STAT1: variants seen among roughly 807,000 people sequenced by gnomAD.
The protein encoded by STAT1 is signal transducer and activator of transcription 1-alpha/beta.
In STAT1, 24 loss-of-function variants were observed where a neutral mutation model predicts 111.7. That is an observed-to-expected ratio of 0.21 (90% CI 0.16 to 0.30). The LOEUF (loss-of-function observed/expected upper bound fraction) is 0.30. Among genes scored for constraint, STAT1 ranks in the 10% least tolerant of loss-of-function variants. The probability of loss-of-function intolerance (pLI) is 1.00; values close to 1 mark genes in which losing one functional copy is unlikely to be tolerated. For synonymous variants in STAT1, 332 were observed against 326.5 expected (o/e 1.02, Z -0.18); for missense variants, 351 against 911.9 (o/e 0.38, Z 7.92).
intron 10 of STAT1, among the ~76,000 whole-genome samples, chr2:190,992,436 G>A (rs1693440614): frequency 6.6e-6 from 1 of 152,010 alleles, no homozygotes; most frequent in African/African-American, 2.4e-5. Context: ...GTTTAAGACA[G>A]TTCTGAAAAT....
At chr2:190,991,944 C>A (rs1693373754) in intron 10 of STAT1, among the ~76,000 whole-genome samples, 2 of 152,246 alleles carry the variant, frequency 1.3e-5, no homozygotes, top group Admixed American at 6.5e-5. Flanking sequence ...ACTCAAAGTA[C>A]AAGTAATGTT....
chr2:191,011,365 G>A (rs1470207919), intron 2 of STAT1, among the ~76,000 whole-genome samples: 2 of 152,156 alleles, frequency 1.3e-5, no homozygotes, highest in African/African-American at 4.8e-5. Context: ...GAGCTGCAAC[G>A]CCTCTTATTA....
chr2:190,975,997 C>T lies in STAT1; in HGVS notation c.2060-110G>A, dbSNP rs1289023901. The T allele has an allele frequency of 3.1e-6, 3 of 982,666 alleles. No individual in the cohort carries two copies. Among genetic ancestry groups the T allele is most frequent in the East Asian group, 2.6e-5 (1 of 38,606 alleles). 60.9% of individuals were successfully genotyped at this position (982,666 alleles called of 1,614,324 possible). ...CTACTGTGTTTCTAGACAGCTTAGC[C>T]TCCTAAAACTTTAAGGAGCTATAAC... On this transcript the variant is annotated intron_variant, in intron 22 of 24. Coordinates refer to ENST00000361099, the MANE Select transcript of STAT1 (RefSeq NM_007315.4). The surrounding 1 kb of genome is among the most constrained non-coding windows in gnomAD (Gnocchi z 5.9).
rs1394308864 is a variant in STAT1, at chr2:190,987,917, C to T, written c.1098-849G>A. ...AAAGGGATAGTATGATAAAAGCTGA[C>T]TTGTCAAAGCTAAGAAGACCGTCAG... On this transcript the variant is annotated intron_variant, in intron 12 of 24. Coordinates refer to ENST00000361099, the MANE Select transcript of STAT1 (RefSeq NM_007315.4). This position sits in a 1 kb window ranked among gnomAD's most constrained non-coding sequence, Gnocchi z 4.0. Among the ~76,000 whole-genome samples, 1 of 152,158 alleles carries T rather than the reference C, an allele frequency of 6.6e-6. No individual in the cohort carries two copies. Among genetic ancestry groups the T allele is most frequent in the African/African-American group, 2.4e-5 (1 of 41,426 alleles).
chr2:191,013,562 A>G lies in STAT1; in HGVS notation c.-39T>C. ...GCCCCAACAAGGGCCTGGGGATTCA[A>G]CCAAAGGAGCAGCTACGCACAGCAC... On this transcript the variant is annotated 5_prime_UTR_variant, in exon 2 of 25. Transcript: ENST00000361099. 2.5e-6 allele frequency: 1 copy of G among 398,606 alleles called. No homozygotes were observed. Among genetic ancestry groups the G allele is most frequent in the East Asian group, 3.6e-5 (1 of 28,076 alleles). 24.7% of individuals were successfully genotyped at this position (398,606 alleles called of 1,614,324 possible).
In STAT1 at chr2:191,002,448, C is replaced by T. The variant is rs566423148; in HGVS notation, c.373-1285G>A. Among the ~76,000 whole-genome samples the T allele has an allele frequency of 2.4e-4, 36 of 152,274 alleles. 1 individual carries two copies. In the South Asian group the frequency reaches 7.5e-3, roughly 32 times the overall value. Reference sequence around the variant, plus strand: ...TTATAGTCTGTCTAGTAGGGCCAGTCCCATTTCATTGCTCTACTTGTTCAG... The same window carrying T: ...TTATAGTCTGTCTAGTAGGGCCAGTTCCATTTCATTGCTCTACTTGTTCAG... On this transcript the variant is annotated intron_variant, in intron 5 of 24. Transcript: ENST00000361099.
rs1220419590 is a variant in STAT1, at chr2:190,994,914, CAAAA to C, written c.944+143_944+146del. 184 of 97,256 alleles carry C rather than the reference CAAAA, an allele frequency of 1.9e-3. 1 individual carries two copies. The highest frequency in any genetic ancestry group is 8.6e-3 in the African/African-American group (171 of 19,870). 6.0% of individuals were successfully genotyped at this position (97,256 alleles called of 1,614,324 possible). A position where few individuals can be genotyped will look rare whatever the true frequency, so the allele number is the denominator to read the frequency against. The stretch of plus-strand genomic sequence containing the variant: ...CTGGGTGATAGGTGAGACTCTATCT[CAAAA>C]AAAAAAAAAATATATATATATATAT... On this transcript the variant is annotated intron_variant, in intron 10 of 24. Coordinates refer to ENST00000361099, the MANE Select transcript of STAT1 (RefSeq NM_007315.4).
Position 191,006,711 on chromosome 2 carries a change from A to C in STAT1, c.372+852T>G, listed in dbSNP as rs1694729565. On this transcript the variant is annotated intron_variant, in intron 5 of 24. Transcript: ENST00000361099. The surrounding 1 kb of genome is among the most constrained non-coding windows in gnomAD (Gnocchi z 4.6). ...TTGTCACCACCCCAGTGCTCAAGAA[A>C]GGAATACTAAATGCCATAGCAAATT... Among the ~76,000 whole-genome samples the C allele has an allele frequency of 6.6e-6, 1 of 152,208 alleles. No individual in the cohort carries two copies. Among genetic ancestry groups the C allele is most frequent in the Non-Finnish European group, 1.5e-5 (1 of 68,042 alleles).
rs752978951 is a variant in STAT1 at position 190,975,761 on chromosome 2, GC to G, written c.2135+50del. ...CATCTTCAACAGGCCCCAGCCAGGAGCAAGGCTGGCTTGAGGTTTGTAAACA... is the reference window on the plus strand; with the variant it reads ...CATCTTCAACAGGCCCCAGCCAGGAGAAGGCTGGCTTGAGGTTTGTAAACA... On this transcript the variant is annotated intron_variant, in intron 23 of 24. Coordinates refer to ENST00000361099, the MANE Select transcript of STAT1 (RefSeq NM_007315.4). This position sits in a 1 kb window ranked among gnomAD's most constrained non-coding sequence, Gnocchi z 5.9. 2.8e-5 allele frequency: 45 copies of G among 1,612,456 alleles called. 1 individual carries two copies. The South Asian group carries it at 4.8e-4, about 17-fold the overall frequency.
chr2:190,994,049 C>G (rs1409632419), intron 10 of STAT1, among the ~76,000 whole-genome samples: 1 of 152,140 alleles, frequency 6.6e-6, no homozygotes, highest in African/African-American at 2.4e-5. Context: ...AGGGAGATAA[C>G]ATCTGTTTGG....
In STAT1 at chr2:190,994,194, C is replaced by A. The variant is rs530706698; in HGVS notation, c.944+867G>T. On this transcript the variant is annotated intron_variant, in intron 10 of 24. Coordinates refer to ENST00000361099, the MANE Select transcript of STAT1 (RefSeq NM_007315.4). ...GGAGAGCCACAGAAAAGCAAGTATG[C>A]GGCATGGCCCCTATAGGAATCAGCA... Among the ~76,000 whole-genome samples the A allele has an allele frequency of 2.0e-5, 3 of 152,236 alleles. No individual in the cohort carries two copies. In the South Asian group the frequency reaches 6.2e-4, roughly 32 times the overall value.
chr2:190,981,401 G>C lies in STAT1; in HGVS notation c.1583-732C>G, dbSNP rs1381683156. ...AAATCAAAAACCAAGTGAGAGAAAC[G>C]AGAGGAAGAAGCCCGGGGTTATTAG... On this transcript the variant is annotated intron_variant, in intron 18 of 24. Coordinates refer to ENST00000361099, the MANE Select transcript of STAT1 (RefSeq NM_007315.4). This position sits in a 1 kb window ranked among gnomAD's most constrained non-coding sequence, Gnocchi z 4.1. Among the ~76,000 whole-genome samples, 1 of 152,228 alleles carries C rather than the reference G, an allele frequency of 6.6e-6. No individual in the cohort carries two copies. Among genetic ancestry groups the C allele is most frequent in the Non-Finnish European group, 1.5e-5 (1 of 68,040 alleles).
rs989622958 is a variant in STAT1 at position 190,974,663 on chromosome 2, T to G, written c.2238+167A>C. On this transcript the variant is annotated intron_variant, in intron 24 of 24. Transcript: ENST00000361099. The surrounding 1 kb of genome is among the most constrained non-coding windows in gnomAD (Gnocchi z 4.8). ...AATCCCACTGATGATGTAGGTGGTT[T>G]AAATCCAGCAGCTCCAACTTGTCAT... is the stretch of plus-strand genomic sequence containing the variant. 2.6e-5 allele frequency among the ~76,000 whole-genome samples: 4 copies of G among 152,220 alleles called. No homozygotes were observed. Among genetic ancestry groups the G allele is most frequent in the Non-Finnish European group, 5.9e-5 (4 of 68,032 alleles).
rs933307121 is a variant in STAT1, at chr2:191,003,128, T to C, written c.373-1965A>G. On this transcript the variant is annotated intron_variant, in intron 5 of 24. Transcript: ENST00000361099. The surrounding 1 kb of genome is among the most constrained non-coding windows in gnomAD (Gnocchi z 4.0). ...TTTATCAGGCATACGTCATCAAAGT[T>C]ATTCTCTCTTCATAGGAAGTTTTCC... Among the ~76,000 whole-genome samples the C allele has an allele frequency of 2.0e-5, 3 of 152,220 alleles. No individual in the cohort carries two copies. The highest frequency in any genetic ancestry group is 4.8e-5 in the African/African-American group (2 of 41,454).
chr2:191,001,013 G>A, intron 6 of STAT1, 61 bp downstream of exon 6: 1 of 1,377,626 alleles, frequency 7.3e-7, no homozygotes, highest in Admixed American at 1.7e-5. Flanking sequence ...CCAAGCAATT[G>A]AAACCTTTTT....
rs1693103110 is a variant in STAT1, at chr2:190,989,075, G to A, written c.1097+540C>T. Among the ~76,000 whole-genome samples, 1 of 151,950 alleles carries A rather than the reference G, an allele frequency of 6.6e-6. No individual in the cohort carries two copies. Among genetic ancestry groups the A allele is most frequent in the Non-Finnish European group, 1.5e-5 (1 of 67,994 alleles). On this transcript the variant is annotated intron_variant, in intron 12 of 24. Coordinates refer to ENST00000361099, the MANE Select transcript of STAT1 (RefSeq NM_007315.4). The surrounding 1 kb of genome is among the most constrained non-coding windows in gnomAD (Gnocchi z 5.0). ...AGAAGAGACAAGAGTGAATCCCACA[G>A]GCTCCACACAGTCTCCCCAAGATGC...
At chr2:190,972,749 A>G (rs1281626581) in intron 24 of STAT1, among the ~76,000 whole-genome samples, 1 of 142,934 alleles carries the variant, frequency 7.0e-6, no homozygotes, top group Non-Finnish European at 1.5e-5. Flanking sequence ...TTTTTTTTAT[A>G]TTATAGCCTC....
Position 190,970,600 on chromosome 2 carries a change from T to A in STAT1, c.*103A>T. The A allele has an allele frequency of 7.2e-7, 1 of 1,392,616 alleles. No homozygotes were observed. The highest frequency in any genetic ancestry group is 1.0e-6 in the Non-Finnish European group (1 of 982,678). The allele number at this position is 1,392,616 out of a possible 1,614,324, so 86.3% of individuals were successfully genotyped here. On this transcript the variant is annotated 3_prime_UTR_variant, in exon 25 of 25. Coordinates refer to ENST00000361099, the MANE Select transcript of STAT1 (RefSeq NM_007315.4). The surrounding 1 kb of genome is among the most constrained non-coding windows in gnomAD (Gnocchi z 5.4). ...TTGCAGCGAATTTGCTGGCCTTTCT[T>A]TCATTTCCCTAGAAACACAGGATGT...
At position 190,987,163 on chromosome 2, in the gene STAT1, T is replaced by C; in HGVS notation, c.1098-95A>G. 1 of 929,180 alleles carries C rather than the reference T, an allele frequency of 1.1e-6. No homozygotes were observed. The highest frequency in any genetic ancestry group is 1.7e-6 in the Non-Finnish European group (1 of 584,542). 57.6% of individuals were successfully genotyped at this position (929,180 alleles called of 1,614,324 possible). A position where few individuals can be genotyped will look rare whatever the true frequency, so the allele number is the denominator to read the frequency against. On this transcript the variant is annotated intron_variant, in intron 12 of 24. Transcript: ENST00000361099. The surrounding 1 kb of genome is among the most constrained non-coding windows in gnomAD (Gnocchi z 4.0). ...GAGTATAAGAGCATAAGAGTGTAAG[T>C]GAATGATGAATAAAAAATAAATCTA...
Sources: gnomAD v4.1 joint callset for allele counts (sites outside exome capture counted in the v4.1 genomes callset) on GRCh38, gnomAD v4.1.1 for gene constraint, Gnocchi (gnomAD v3.1) non-coding constraint, MANE v1.5 for transcripts, NCBI Gene and HGNC (gene_info 2026-07-23, HGNC 2026-07-21) for gene names.